The following SLC12A6 variants were observed in gnomAD, a reference collection of about 807,000 sequenced individuals.
SLC12A6 encodes the protein solute carrier family 12 member 6.
A neutral mutation model predicts 135.3 loss-of-function variants in SLC12A6; 66 were observed. The ratio of observed to expected loss-of-function variants is 0.49; its 90% CI spans 0.40 to 0.60. SLC12A6 has a LOEUF of 0.60. SLC12A6 is among the 20% of genes least tolerant of loss of function. The pLI, the probability that SLC12A6 is intolerant of heterozygous loss-of-function variation, is 0.00. For missense variants in SLC12A6, 1,058 were observed against 1,452.3 expected, an observed-to-expected ratio of 0.73 and a Z score of 4.41; for synonymous variants, 513 against 508.8, an observed-to-expected ratio of 1.01 and a Z score of -0.11.
chr15:34,303,923 C>T (rs1896427138), intron 2 of SLC12A6, among the ~76,000 whole-genome samples: 2 of 152,302 alleles, frequency 1.3e-5, no homozygotes, highest in East Asian at 1.9e-4. Context: ...ATGAAACATA[C>T]TAAGACAACA....
Position 34,257,106 on chromosome 15 carries a change from G to C in SLC12A6, c.690+536C>G, listed in dbSNP as rs549722419. Reference sequence around the variant, plus strand: ...ACAGTAGAAAACTATAAAATTCATAGGTGTGTCTGGGATACATAATGAGAA... The same window carrying C: ...ACAGTAGAAAACTATAAAATTCATACGTGTGTCTGGGATACATAATGAGAA... On this transcript the variant is annotated intron_variant, in intron 6 of 25. Coordinates refer to ENST00000354181, the MANE Select transcript of SLC12A6 (RefSeq NM_001365088.1). 9.2e-5 allele frequency among the ~76,000 whole-genome samples: 14 copies of C among 152,256 alleles called. No individual in the cohort carries two copies. In the East Asian group the frequency reaches 2.5e-3, roughly 27 times the overall value.
intron 2 of SLC12A6, among the ~76,000 whole-genome samples, chr15:34,315,120 G>A (rs1050749723): frequency 6.6e-6 from 1 of 152,196 alleles, no homozygotes; most frequent in African/African-American, 2.4e-5. Context: ...GGCAACAAAG[G>A]ATTTTAGAAT....
At chr15:34,310,133 C>T (rs113695400) in intron 2 of SLC12A6, among the ~76,000 whole-genome samples, 10 of 151,664 alleles carry the variant, frequency 6.6e-5, no homozygotes, top group African/African-American at 1.7e-4. Context: ...CTCAGCCTTC[C>T]GAGTAGCTGG....
rs1890291496 is a variant in SLC12A6, at chr15:34,337,721, C to CA, written c.-463dup. 1 of 152,402 alleles carries CA rather than the reference C, an allele frequency of 6.6e-6. No individual in the cohort carries two copies. The highest frequency in any genetic ancestry group is 1.5e-5 in the Non-Finnish European group (1 of 68,214). The allele number at this position is 152,402 out of a possible 1,614,324, so 9.4% of individuals were successfully genotyped here. The stretch of plus-strand genomic sequence containing the variant: ...GTGAGGGAGAAGGAGGTCGCAGGTG[C>CA]AGTATCCCGGCGCCAGCTGATGCGG... On this transcript the variant is annotated 5_prime_UTR_variant, in exon 1 of 26. Coordinates refer to ENST00000354181, the MANE Select transcript of SLC12A6 (RefSeq NM_001365088.1).
At chr15:34,305,782 G>A (rs1896567248) in intron 2 of SLC12A6, among the ~76,000 whole-genome samples, 1 of 137,530 alleles carries the variant, frequency 7.3e-6, no homozygotes, top group African/African-American at 2.8e-5. Flanking sequence ...TTTTAAAGAT[G>A]GAGTCTCGCT....
intron 7 of SLC12A6, 26 bp downstream of exon 7, chr15:34,256,203 C>T: frequency 6.7e-7 from 1 of 1,486,176 alleles, no homozygotes. Flanking sequence ...CTGATAAATC[C>T]TGAAATACAA....
At chr15:34,258,502 G>A (rs113654009) in intron 5 of SLC12A6, among the ~76,000 whole-genome samples, 1,823 of 152,194 alleles carry the variant, frequency 0.012, 15 homozygotes, top group Middle Eastern at 0.037. Flanking sequence ...AAGTAGCAAC[G>A]CCCTCCACTC....
rs556351666 is a variant in SLC12A6 at position 34,252,968 on chromosome 15, C to T, written c.1119-584G>A. Among the ~76,000 whole-genome samples the T allele has an allele frequency of 6.6e-5, 10 of 152,168 alleles. No homozygotes were observed. The South Asian group carries it at 1.0e-3, about 16-fold the overall frequency. ...GCTTGGTCAGAATTAAAAGGCAGAT[C>T]CCTCTATGGCCTAAGAGAAAACTGT... On this transcript the variant is annotated intron_variant, in intron 9 of 25. Coordinates refer to ENST00000354181, the MANE Select transcript of SLC12A6 (RefSeq NM_001365088.1).
intron 2 of SLC12A6, among the ~76,000 whole-genome samples, chr15:34,335,028 C>T (rs1890109225): frequency 6.6e-6 from 1 of 152,188 alleles, no homozygotes; most frequent in East Asian, 1.9e-4. Flanking sequence ...GAAATTAACA[C>T]TGGTATAGTC....
chr15:34,285,971 T>C (rs1187514414), intron 2 of SLC12A6, among the ~76,000 whole-genome samples: 1 of 152,030 alleles, frequency 6.6e-6, no homozygotes, highest in African/African-American at 2.4e-5. Flanking sequence ...AAGTTCAGTT[T>C]TGCAAAATGA....
At chr15:34,256,493 C>G (rs1220960982) in intron 6 of SLC12A6, among the ~76,000 whole-genome samples, 1 of 152,198 alleles carries the variant, frequency 6.6e-6, no homozygotes, top group Non-Finnish European at 1.5e-5. Context: ...TGTCAAAATG[C>G]TCCCACATCA....
intron 2 of SLC12A6, among the ~76,000 whole-genome samples, chr15:34,290,519 G>A (rs556119611): frequency 2.0e-5 from 3 of 152,256 alleles, no homozygotes; most frequent in South Asian, 4.1e-4. Context: ...GCTGAGTTCA[G>A]TTCCTGGATA....
At chr15:34,285,396 A>C (rs1399602149) in intron 2 of SLC12A6, among the ~76,000 whole-genome samples, 1 of 152,174 alleles carries the variant, frequency 6.6e-6, no homozygotes, top group Non-Finnish European at 1.5e-5. Flanking sequence ...GAAAGAAAAG[A>C]GTCAAAGATA....
chr15:34,245,891 A>G, intron 13 of SLC12A6, 24 bp from the exon 14 acceptor site: 3 of 1,587,266 alleles, frequency 1.9e-6, no homozygotes, highest in Non-Finnish European at 2.6e-6. Flanking sequence ...AGGAGTGGGA[A>G]ATTTAATCTG....
Position 34,230,098 on chromosome 15 carries a change from G to A in SLC12A6, c.*3783C>T, listed in dbSNP as rs574252869. The A allele has an allele frequency of 9.9e-5, 36 of 362,282 alleles. No homozygotes were observed. Among genetic ancestry groups the A allele is most frequent in the Middle Eastern group, 7.4e-4 (1 of 1,354 alleles). 22.4% of individuals were successfully genotyped at this position (362,282 alleles called of 1,614,324 possible). ...AAGAGAATAACTGCTGCTAAATCAA[G>A]AACTGTTGCAGCATCTCCTTTCAAT... is the stretch of plus-strand genomic sequence containing the variant. On this transcript the variant is annotated 3_prime_UTR_variant, in exon 26 of 26. Coordinates refer to ENST00000354181, the MANE Select transcript of SLC12A6 (RefSeq NM_001365088.1).
intron 2 of SLC12A6, among the ~76,000 whole-genome samples, chr15:34,298,110 A>G (rs1485698473): frequency 6.6e-6 from 1 of 152,172 alleles, no homozygotes; most frequent in Non-Finnish European, 1.5e-5. Flanking sequence ...GCTCTCAAGA[A>G]GTTCAGAGGG....
chr15:34,258,993 A>G lies in SLC12A6; in HGVS notation c.412-49T>C, dbSNP rs776710718. Reference sequence around the variant, plus strand: ...AAATGAGCTACAAAGAACACTGAACATAAGTATCAAAATAATCTTGCTACC... The same window carrying G: ...AAATGAGCTACAAAGAACACTGAACGTAAGTATCAAAATAATCTTGCTACC... On this transcript the variant is annotated intron_variant, in intron 4 of 25. Transcript: ENST00000354181. The G allele has an allele frequency of 1.1e-4, 163 of 1,473,244 alleles. 2 individuals are homozygous for G. The Admixed American group carries it at 1.1e-3, about 10-fold the overall frequency. 91.3% of individuals were successfully genotyped at this position (1,473,244 alleles called of 1,614,324 possible). A position where few individuals can be genotyped will look rare whatever the true frequency, so the allele number is the denominator to read the frequency against.
At chr15:34,274,414 G>T (rs919417256) in intron 3 of SLC12A6, among the ~76,000 whole-genome samples, 1 of 152,194 alleles carries the variant, frequency 6.6e-6, no homozygotes, top group South Asian at 2.1e-4. Flanking sequence ...GTAAGAAGAA[G>T]AGATACTTTT....
chr15:34,320,922 CAATAAAATAA>C (rs61190764), intron 2 of SLC12A6, among the ~76,000 whole-genome samples: 26,109 of 150,972 alleles, frequency 0.17, 2,449 homozygotes, highest in East Asian at 0.32. Flanking sequence ...AAAATAAATA[CAATAAAATAA>C]AATAAAATAA....
Sources: gnomAD v4.1 joint callset for allele counts (sites outside exome capture counted in the v4.1 genomes callset) on GRCh38, gnomAD v4.1.1 for gene constraint, MANE v1.5 for transcripts, NCBI Gene and HGNC (gene_info 2026-07-23, HGNC 2026-07-21) for gene names.